PDZD2: variants seen among roughly 807,000 people sequenced by gnomAD.
PDZD2 encodes PDZ domain containing 2.
Under a neutral mutation model 220.7 loss-of-function variants are expected in PDZD2, and 90 were observed. The ratio of observed to expected loss-of-function variants is 0.41; its 90% confidence interval spans 0.34 to 0.49. The LOEUF is 0.49. Ranked by LOEUF, PDZD2 falls within the 20% of genes least tolerant of loss-of-function variation. The probability of loss-of-function intolerance (pLI) is 0.28; values close to 1 mark genes in which losing one functional copy is unlikely to be tolerated. For synonymous variants in PDZD2, 1,375 were observed against 1,450.5 expected (o/e 0.95, Z 1.18); for missense variants, 3,174 against 3,608.5 (o/e 0.88, Z 3.08).
chr5:31,837,209 C>T (rs1756998474), intron 2 of PDZD2, among the ~76,000 whole-genome samples: 1 of 152,046 alleles, frequency 6.6e-6, no homozygotes, highest in Admixed American at 6.6e-5. Context: ...GCAGACTCTC[C>T]ACACCTGTGC....
chr5:31,658,089 A>G (rs556910833), intron 1 of PDZD2, among the ~76,000 whole-genome samples: 8 of 152,296 alleles, frequency 5.3e-5, no homozygotes, highest in African/African-American at 1.9e-4. Flanking sequence ...AGAAAAAATA[A>G]TCACCCAGCT....
intron 10 of PDZD2, among the ~76,000 whole-genome samples, chr5:32,054,827 T>C (rs1738952243): frequency 6.6e-6 from 1 of 152,216 alleles, no homozygotes; most frequent in South Asian, 2.1e-4. Flanking sequence ...ATTATTTCAC[T>C]AACTGCCTTG....
chr5:32,101,847 T>TTAAC (rs2111694608), intron 24 of PDZD2, among the ~76,000 whole-genome samples: 1 of 152,352 alleles, frequency 6.6e-6, no homozygotes, highest in East Asian at 1.9e-4. Flanking sequence ...AAATCTTATA[T>TTAAC]TAACTCATAA....
intron 2 of PDZD2, among the ~76,000 whole-genome samples, chr5:31,899,048 C>T (rs1173291982): frequency 6.6e-6 from 1 of 151,838 alleles, no homozygotes; most frequent in Non-Finnish European, 1.5e-5. Flanking sequence ...AGGATGGTTT[C>T]AATCTCCTGA....
At chr5:31,745,552 T>TGAA (rs1293867358) in intron 1 of PDZD2, among the ~76,000 whole-genome samples, 25 of 152,328 alleles carry the variant, frequency 1.6e-4, no homozygotes, top group African/African-American at 5.5e-4. Flanking sequence ...CAAATCACCT[T>TGAA]CGCTCATGCT....
intron 2 of PDZD2, among the ~76,000 whole-genome samples, chr5:31,963,455 G>A (rs771121267): frequency 2.6e-5 from 4 of 152,178 alleles, no homozygotes; most frequent in African/African-American, 2.4e-5. Context: ...TGGGAGAGGC[G>A]GGGGCTGTGC....
At chr5:32,020,652 T>TC (rs1754126530) in intron 6 of PDZD2, among the ~76,000 whole-genome samples, 1 of 111,424 alleles carries the variant, frequency 9.0e-6, no homozygotes. Context: ...CTTTTTTTTT[T>TC]TCTTTTTTTT....
At chr5:31,806,153 C>T (rs896013982) in intron 2 of PDZD2, among the ~76,000 whole-genome samples, 2 of 152,216 alleles carry the variant, frequency 1.3e-5, no homozygotes, top group Non-Finnish European at 2.9e-5. Context: ...TCCTCCCCGA[C>T]ACTGGACACT....
intron 2 of PDZD2, among the ~76,000 whole-genome samples, chr5:31,910,217 A>ATTTTTTTTTTT (rs70957978): frequency 9.4e-6 from 1 of 106,842 alleles, no homozygotes; most frequent in African/African-American, 3.7e-5. Flanking sequence ...GAGTTCCTGC[A>ATTTTTTTTTTT]TTTTTTTTTT....
At chr5:31,998,303 G>A (rs1194879002) in intron 4 of PDZD2, among the ~76,000 whole-genome samples, 1 of 152,154 alleles carries the variant, frequency 6.6e-6, no homozygotes, top group Non-Finnish European at 1.5e-5. Flanking sequence ...AACAACTAGT[G>A]GGGCCCTTAG....
At chr5:32,068,174 A>G (rs986105367) in intron 14 of PDZD2, among the ~76,000 whole-genome samples, 2 of 152,130 alleles carry the variant, frequency 1.3e-5, no homozygotes, top group Non-Finnish European at 2.9e-5. Flanking sequence ...GAATCTAAGC[A>G]TGAGGAAACT....
At chr5:32,067,740 A>G (rs995422078) in intron 14 of PDZD2, among the ~76,000 whole-genome samples, 3 of 152,204 alleles carry the variant, frequency 2.0e-5, no homozygotes, top group Non-Finnish European at 2.9e-5. Flanking sequence ...ATATTTCAGT[A>G]TATATCAGGC....
At chr5:31,816,665 G>C (rs571318249) in intron 2 of PDZD2, among the ~76,000 whole-genome samples, 20 of 152,134 alleles carry the variant, frequency 1.3e-4, no homozygotes, top group African/African-American at 4.3e-4. Context: ...GAATTTTAGA[G>C]GAGCTATATG....
At chr5:31,784,621 G>T (rs1753266606) in intron 1 of PDZD2, among the ~76,000 whole-genome samples, 1 of 152,170 alleles carries the variant, frequency 6.6e-6, no homozygotes, top group African/African-American at 2.4e-5. Flanking sequence ...AGTTAGTGAT[G>T]CCTGAGGCTA....
intron 1 of PDZD2, among the ~76,000 whole-genome samples, chr5:31,714,885 C>T (rs979786758): frequency 3.7e-4 from 56 of 151,796 alleles, no homozygotes; most frequent in Non-Finnish European, 5.7e-4. Context: ...GGTGAAACCC[C>T]GTCTCTACTA....
chr5:31,725,173 A>T (rs1464693168), intron 1 of PDZD2, among the ~76,000 whole-genome samples: 8 of 151,946 alleles, frequency 5.3e-5, no homozygotes, highest in Non-Finnish European at 8.8e-5. Flanking sequence ...TCTACTAAAA[A>T]TACAACAAAA....
intron 1 of PDZD2, among the ~76,000 whole-genome samples, chr5:31,769,834 G>A (rs1166115611): frequency 1.3e-5 from 2 of 152,196 alleles, no homozygotes; most frequent in Non-Finnish European, 2.9e-5. Context: ...TATTCTTGTT[G>A]ATGAAAACTT....
At chr5:31,877,912 C>G (rs1174692671) in intron 2 of PDZD2, among the ~76,000 whole-genome samples, 3 of 152,130 alleles carry the variant, frequency 2.0e-5, no homozygotes, top group Admixed American at 6.5e-5. Flanking sequence ...TGGTCTCGAA[C>G]TGCTGACTTC....
chr5:31,796,428 G>A (rs1005775317), intron 1 of PDZD2, among the ~76,000 whole-genome samples: 3 of 152,122 alleles, frequency 2.0e-5, no homozygotes, highest in African/African-American at 7.2e-5. Context: ...TTCTTAGCAG[G>A]ATGACTTTCT....
Sources: allele counts gnomAD v4.1 joint callset (sites outside exome capture counted in the v4.1 genomes callset), GRCh38; gene constraint gnomAD v4.1.1; transcripts MANE v1.5; gene names NCBI Gene and HGNC (gene_info 2026-07-23, HGNC 2026-07-21).